UNC13C: variants seen among roughly 807,000 people sequenced by gnomAD.
UNC13C encodes the protein unc-13 homolog C.
Under a neutral mutation model 245.4 loss-of-function variants are expected in UNC13C, and 174 were observed. The observed-to-expected ratio is 0.71, with a 90% CI of 0.63 to 0.80. UNC13C has a LOEUF of 0.80. UNC13C is among the 30% of genes least tolerant of loss of function. UNC13C has a pLI of 0.00. For missense variants in UNC13C, 2,829 were observed against 2,602.9 expected (o/e 1.09, Z -1.89); for synonymous variants, 992 against 895.1 (o/e 1.11, Z -1.93).
chr15:54,351,816 A>C (rs1300248444), intron 17 of UNC13C, among the ~76,000 whole-genome samples: 1 of 152,048 alleles, frequency 6.6e-6, no homozygotes, highest in African/African-American at 2.4e-5. Context: ...TTTAATTTTA[A>C]TTTTAGTTTT....
chr15:54,581,396 A>G (rs566812336), intron 30 of UNC13C, among the ~76,000 whole-genome samples: 2 of 152,330 alleles, frequency 1.3e-5, no homozygotes, highest in East Asian at 1.9e-4. Context: ...CTTAAACACA[A>G]AAACTTATTT....
At chr15:54,228,112 T>C (rs1251460935) in intron 4 of UNC13C, among the ~76,000 whole-genome samples, 1 of 152,168 alleles carries the variant, frequency 6.6e-6, no homozygotes, top group Non-Finnish European at 1.5e-5. Flanking sequence ...TAAGAAGACG[T>C]GTCTCTCCCC....
At chr15:54,329,062 G>C (rs1010510447) in intron 14 of UNC13C, among the ~76,000 whole-genome samples, 4 of 144,020 alleles carry the variant, frequency 2.8e-5, no homozygotes, top group African/African-American at 5.2e-5. Context: ...TAGTTATTCT[G>C]GTCAACTAAT....
Position 54,259,929 on chromosome 15 carries a change from TG to T in UNC13C, c.3449-4237del, listed in dbSNP as rs199743740. On this transcript the variant is annotated intron_variant, in intron 8 of 32. Coordinates refer to ENST00000260323, the MANE Select transcript of UNC13C (RefSeq NM_001080534.3). Reference sequence around the variant, plus strand: ...TCATTTTATATTCAATTTATTCCTGTGGTTTTTTTTTTCCAGAATTGTGGCC... The same window carrying T: ...TCATTTTATATTCAATTTATTCCTGTGTTTTTTTTTTCCAGAATTGTGGCC... 5.0e-3 allele frequency among the ~76,000 whole-genome samples: 753 copies of T among 151,790 alleles called. 2 individuals carry two copies. Among genetic ancestry groups the T allele is most frequent in the African/African-American group, 6.6e-3 (272 of 41,404 alleles).
rs1425366615 is a variant in UNC13C at position 54,553,425 on chromosome 15, T to TA, written c.5878-2006dup. On this transcript the variant is annotated intron_variant, in intron 28 of 32. Transcript: ENST00000260323. ...TTATATATTGTAATATATAATATTA[T>TA]ATATAATATATAATATAATTATAAT... 4.1e-3 allele frequency among the ~76,000 whole-genome samples: 545 copies of TA among 133,588 alleles called. 4 individuals carry two copies. The highest frequency in any genetic ancestry group is 5.9e-3 in the South Asian group (27 of 4,576). The allele number at this position is 133,588 out of a possible 152,430, so 87.6% of individuals were successfully genotyped here.
At chr15:54,025,759 T>A (rs968297427) in intron 2 of UNC13C, among the ~76,000 whole-genome samples, 1 of 152,208 alleles carries the variant, frequency 6.6e-6, no homozygotes, top group African/African-American at 2.4e-5. Context: ...AAGCCAGCAC[T>A]CAAACGATCA....
the UNC13C span, among the ~76,000 whole-genome samples, chr15:53,915,801 G>A: frequency 1.3e-5 from 2 of 152,206 alleles, no homozygotes; most frequent in African/African-American, 4.8e-5. Context: ...GACTCAATAA[G>A]TGGAGAGATG....
At chr15:53,988,620 C>T (rs907016386) in intron 1 of UNC13C, among the ~76,000 whole-genome samples, 1 of 151,768 alleles carries the variant, frequency 6.6e-6, no homozygotes, top group African/African-American at 2.4e-5. Context: ...TTTGGAAGTA[C>T]ATTCTTTCCA....
chr15:54,272,216 C>T (rs2036705297), intron 10 of UNC13C, among the ~76,000 whole-genome samples: 1 of 152,110 alleles, frequency 6.6e-6, no homozygotes, highest in African/African-American at 2.4e-5. Flanking sequence ...TATATGGCAG[C>T]CACGTTCAAT....
intron 31 of UNC13C, among the ~76,000 whole-genome samples, chr15:54,623,039 A>C (rs1589316): frequency 0.43 from 65,159 of 152,020 alleles, 15,249 homozygotes; most frequent in East Asian, 0.59. Flanking sequence ...AATAGATTAT[A>C]TACAGTAGTA....
At chr15:53,858,234 A>G in the UNC13C span, among the ~76,000 whole-genome samples, 24 of 152,194 alleles carry the variant, frequency 1.6e-4, no homozygotes, top group Non-Finnish European at 3.4e-4. Flanking sequence ...TGAAAATTGA[A>G]GACAATATAA....
intron 19 of UNC13C, among the ~76,000 whole-genome samples, chr15:54,474,492 A>T (rs1403306348): frequency 6.6e-6 from 1 of 151,732 alleles, no homozygotes; most frequent in African/African-American, 2.4e-5. Flanking sequence ...GAAATTATTC[A>T]TGTCCCTTGC....
At chr15:54,402,267 A>G (rs1047990026) in intron 18 of UNC13C, among the ~76,000 whole-genome samples, 6 of 152,148 alleles carry the variant, frequency 3.9e-5, no homozygotes, top group African/African-American at 1.4e-4. Flanking sequence ...ACTGTTACTC[A>G]TATATATCAT....
At chr15:54,001,816 A>G (rs377043871) in intron 1 of UNC13C, among the ~76,000 whole-genome samples, 23 of 152,318 alleles carry the variant, frequency 1.5e-4, no homozygotes, top group African/African-American at 5.3e-4. Flanking sequence ...AAAGTAGCCA[A>G]TCTGACTTAA....
At chr15:54,140,516 C>A (rs1414715495) in intron 2 of UNC13C, among the ~76,000 whole-genome samples, 2 of 152,274 alleles carry the variant, frequency 1.3e-5, no homozygotes, top group South Asian at 4.1e-4. Flanking sequence ...ATGCACAGTG[C>A]ACAATACTGA....
intron 17 of UNC13C, among the ~76,000 whole-genome samples, chr15:54,389,181 G>T (rs2039901241): frequency 6.6e-6 from 1 of 152,158 alleles, no homozygotes; most frequent in Non-Finnish European, 1.5e-5. Flanking sequence ...CCTGTGAAAA[G>T]TCTGGCACGA....
the UNC13C span, among the ~76,000 whole-genome samples, chr15:53,953,868 G>A: frequency 2.6e-5 from 4 of 152,344 alleles, no homozygotes; most frequent in Admixed American, 6.5e-5. Context: ...TGGAAGCAGT[G>A]TCAGAGCACA....
rs115167589 is a variant in UNC13C at position 54,084,154 on chromosome 15, T to G, written c.2984-58864T>G. ...CCAGACTCTTGCTACTTTCCTTTTC[T>G]GCACCCCAGCTGTCCTGGCTCTCTT... On this transcript the variant is annotated intron_variant, in intron 2 of 32. Transcript: ENST00000260323. 3.1e-3 allele frequency among the ~76,000 whole-genome samples: 472 copies of G among 152,340 alleles called. 5 individuals are homozygous for G. Among genetic ancestry groups the G allele is most frequent in the African/African-American group, 0.011 (443 of 41,570 alleles).
chr15:53,947,240 G>A, the UNC13C span, among the ~76,000 whole-genome samples: 1 of 152,148 alleles, frequency 6.6e-6, no homozygotes, highest in African/African-American at 2.4e-5. Flanking sequence ...GAAAAAGCAG[G>A]TGGATAGATG....
Sources: gnomAD v4.1 joint callset for allele counts (sites outside exome capture counted in the v4.1 genomes callset) on GRCh38, gnomAD v4.1.1 for gene constraint, MANE v1.5 for transcripts, NCBI Gene and HGNC (gene_info 2026-07-23, HGNC 2026-07-21) for gene names.